NTN1: variants seen among roughly 807,000 people sequenced by gnomAD.
The protein encoded by NTN1 is netrin-1.
Under a neutral mutation model 54.2 loss-of-function variants are expected in NTN1, and 11 were observed. That is an observed-to-expected ratio of 0.20 (90% CI 0.13 to 0.34). The LOEUF is 0.34. NTN1 is among the 10% of genes least tolerant of loss of function. The probability of loss-of-function intolerance (pLI) is 1.00; values close to 1 mark genes in which losing one functional copy is unlikely to be tolerated. For missense variants in NTN1, 740 were observed against 893.1 expected (o/e 0.83, Z 2.18); for synonymous variants, 371 against 382.0 (o/e 0.97, Z 0.33).
intron 5 of NTN1, among the ~76,000 whole-genome samples, chr17:9,199,926 A>G (rs1042103585): frequency 6.6e-6 from 1 of 152,224 alleles, no homozygotes; most frequent in Non-Finnish European, 1.5e-5. Flanking sequence ...TGTAGGAAGT[A>G]GTTTAGCCCA....
intron 5 of NTN1, among the ~76,000 whole-genome samples, chr17:9,208,743 G>A (rs1905029742): frequency 6.6e-6 from 1 of 152,226 alleles, no homozygotes; most frequent in Non-Finnish European, 1.5e-5. Context: ...TCCAGGGGAG[G>A]AGTAGACGCC....
At position 9,242,932 on chromosome 17, in the gene NTN1, G is replaced by C. The variant is rs1295463057; in HGVS notation, c.*2964G>C. 6.6e-6 allele frequency: 1 copy of C among 152,258 alleles called. No individual in the cohort carries two copies. The highest frequency in any genetic ancestry group is 1.5e-5 in the Non-Finnish European group (1 of 68,044). The allele number at this position is 152,258 out of a possible 1,614,324, so 9.4% of individuals were successfully genotyped here. ...TACAGTTAGGAAGGGATGTAAAACG[G>C]AACTAGATTTTGATTTTGAAGAGTG... On this transcript the variant is annotated 3_prime_UTR_variant, in exon 7 of 7. Coordinates refer to ENST00000173229, the MANE Select transcript of NTN1 (RefSeq NM_004822.3).
chr17:9,233,199 A>T (rs1269295684), intron 6 of NTN1, among the ~76,000 whole-genome samples: 1 of 151,954 alleles, frequency 6.6e-6, no homozygotes, highest in East Asian at 1.9e-4. Context: ...CTCCCCGCGG[A>T]GGTGTCCCAC....
chr17:9,136,155 G>A (rs2092280515), intron 2 of NTN1, among the ~76,000 whole-genome samples: 2 of 152,248 alleles, frequency 1.3e-5, no homozygotes, highest in Non-Finnish European at 2.9e-5. Context: ...CAGGCCAGCA[G>A]CTAGGGGCAG....
chr17:9,140,958 G>A (rs905808452), intron 2 of NTN1, among the ~76,000 whole-genome samples: 11 of 152,182 alleles, frequency 7.2e-5, no homozygotes, highest in African/African-American at 2.7e-4. Flanking sequence ...GGTCAGGGGA[G>A]TGGGCGGTGA....
At chr17:9,226,348 T>C (rs896371092) in intron 6 of NTN1, among the ~76,000 whole-genome samples, 3 of 151,868 alleles carry the variant, frequency 2.0e-5, no homozygotes, top group Non-Finnish European at 2.9e-5. Flanking sequence ...ATGATATCCT[T>C]CTAAGTGAGA....
At chr17:9,189,683 A>T (rs986538507) in intron 5 of NTN1, among the ~76,000 whole-genome samples, 5 of 125,348 alleles carry the variant, frequency 4.0e-5, no homozygotes, top group East Asian at 3.1e-4. Flanking sequence ...TTAGATAATT[A>T]AAAAAAAAAA....
chr17:9,172,902 T>G (rs1441828494), intron 3 of NTN1: 1 of 68,328 alleles, frequency 1.5e-5, no homozygotes, highest in Non-Finnish European at 2.7e-5. Context: ...AGAGTGAAAC[T>G]ACATCTCAAA....
chr17:9,023,219 C>T lies in NTN1; in HGVS notation c.846C>T (p.Gly282=), dbSNP rs1376651358. Residue 282 remains glycine, a synonymous_variant, in exon 2 of 7, where the codon GGC becomes GGT. Transcript: ENST00000173229. The part of the protein sequence containing the change: ...YFYAVSDLQV[G]GRCKCNGHAA... Reference sequence around the variant, plus strand: ...ACGCGGTGTCCGACCTGCAGGTGGGCGGCCGGTGCAAGTGCAACGGCCACG... The same window carrying T: ...ACGCGGTGTCCGACCTGCAGGTGGGTGGCCGGTGCAAGTGCAACGGCCACG... 1.5e-5 allele frequency: 24 copies of T among 1,561,270 alleles called. No individual in the cohort carries two copies. Among genetic ancestry groups the T allele is most frequent in the African/African-American group, 2.7e-5 (2 of 73,604 alleles).
rs1264769358 is a variant in NTN1 at position 9,202,797 on chromosome 17, T to C, written c.1412-18371T>C. Among the ~76,000 whole-genome samples the C allele has an allele frequency of 3.3e-5, 5 of 152,276 alleles. No homozygotes were observed. The East Asian group carries it at 9.6e-4, about 29-fold the overall frequency. ...TCAGCCACGGCACAAGGAATCGTGC[T>C]GTCTGAACAGTCATAGTTACAAATC... On this transcript the variant is annotated intron_variant, in intron 5 of 6. Transcript: ENST00000173229.
chr17:9,139,580 C>G (rs969295792), intron 2 of NTN1, among the ~76,000 whole-genome samples: 3 of 152,156 alleles, frequency 2.0e-5, no homozygotes, highest in Non-Finnish European at 2.9e-5. Flanking sequence ...TATAATGCCT[C>G]TCAGTGTTTA....
At chr17:9,220,031 G>T (rs1226661374) in intron 5 of NTN1, among the ~76,000 whole-genome samples, 1 of 152,230 alleles carries the variant, frequency 6.6e-6, no homozygotes, top group African/African-American at 2.4e-5. Context: ...CCCCCAGGCA[G>T]TCTGGGAATT....
intron 2 of NTN1, among the ~76,000 whole-genome samples, chr17:9,061,903 C>T (rs1051182865): frequency 6.6e-5 from 10 of 151,974 alleles, no homozygotes. Context: ...CGGTGTTTCA[C>T]CATGTTGGCC....
At chr17:9,190,944 GAATC>G (rs1321196862) in intron 5 of NTN1, among the ~76,000 whole-genome samples, 2 of 152,038 alleles carry the variant, frequency 1.3e-5, no homozygotes, top group South Asian at 2.1e-4. Flanking sequence ...AGAAAAGAAT[GAATC>G]AATCAGTAAA....
At chr17:9,069,297 T>C (rs1397832798) in intron 2 of NTN1, among the ~76,000 whole-genome samples, 1 of 151,982 alleles carries the variant, frequency 6.6e-6, no homozygotes, top group Non-Finnish European at 1.5e-5. Context: ...TTTATAGCTA[T>C]GGGAATTAAA....
intron 2 of NTN1, among the ~76,000 whole-genome samples, chr17:9,150,809 A>G (rs1318316386): frequency 6.6e-6 from 1 of 152,028 alleles, no homozygotes; most frequent in African/African-American, 2.4e-5. Context: ...AGTCAGTGGA[A>G]AAAATGACGG....
chr17:9,201,605 C>CT (rs1904787246), intron 5 of NTN1, among the ~76,000 whole-genome samples: 1 of 152,200 alleles, frequency 6.6e-6, no homozygotes, highest in Non-Finnish European at 1.5e-5. Flanking sequence ...TAGGAGAAAG[C>CT]TGGTTAGTCC....
intron 2 of NTN1, among the ~76,000 whole-genome samples, chr17:9,056,352 C>T (rs4539642): frequency 0.21 from 32,641 of 152,102 alleles, 4,155 homozygotes; most frequent in South Asian, 0.4. Flanking sequence ...CCACTGTGCC[C>T]GGCTGAGTGC....
At chr17:9,236,886 A>T (rs572182600) in intron 6 of NTN1, among the ~76,000 whole-genome samples, 1 of 152,334 alleles carries the variant, frequency 6.6e-6, no homozygotes, top group Non-Finnish European at 1.5e-5. Flanking sequence ...GGGAAAGCTC[A>T]GAGACCAGAG....
Sources: gnomAD v4.1 joint callset for allele counts (sites outside exome capture counted in the v4.1 genomes callset) on GRCh38, gnomAD v4.1.1 for gene constraint, MANE v1.5 for transcripts, NCBI Gene and HGNC (gene_info 2026-07-23, HGNC 2026-07-21) for gene names.